The following NRG3 variants were observed in gnomAD, a reference collection of about 807,000 sequenced individuals.
NRG3 encodes the protein neuregulin 3, also known as pro-neuregulin-3, membrane-bound isoform.
In NRG3, 31 loss-of-function variants were observed where a neutral mutation model predicts 66.9. The observed-to-expected ratio is 0.46, with a 90% confidence interval of 0.35 to 0.63. NRG3 has a LOEUF of 0.63. Ranked by LOEUF, NRG3 falls within the 20% of genes least tolerant of loss-of-function variation. The probability of loss-of-function intolerance (pLI) is 0.00; values close to 1 mark genes in which losing one functional copy is unlikely to be tolerated. For missense variants in NRG3, 910 were observed against 878.9 expected, an observed-to-expected ratio of 1.04 and a Z score of -0.45; for synonymous variants, 393 against 359.4, an observed-to-expected ratio of 1.09 and a Z score of -1.06.
chr10:82,502,474 C>A (rs958692539), intron 2 of NRG3, among the ~76,000 whole-genome samples: 1 of 152,160 alleles, frequency 6.6e-6, no homozygotes, highest in Non-Finnish European at 1.5e-5. Flanking sequence ...CAGTGCTAAG[C>A]ACCTAAATAA....
At chr10:82,966,816 T>A (rs991423211) in intron 6 of NRG3, among the ~76,000 whole-genome samples, 2 of 152,218 alleles carry the variant, frequency 1.3e-5, no homozygotes, top group African/African-American at 4.8e-5. Context: ...AAGTAGTAAA[T>A]ACTATGTTAC....
chr10:82,871,143 T>C (rs2135987283), intron 4 of NRG3, among the ~76,000 whole-genome samples: 1 of 152,292 alleles, frequency 6.6e-6, no homozygotes, highest in Admixed American at 6.5e-5. Context: ...TGAATGTGGA[T>C]GTCAAGTTGT....
intron 2 of NRG3, among the ~76,000 whole-genome samples, chr10:82,722,860 T>C (rs2057388984): frequency 6.6e-6 from 1 of 152,172 alleles, no homozygotes; most frequent in Non-Finnish European, 1.5e-5. Context: ...ACACACCTAA[T>C]TGAGGATAAT....
rs934413273 is a variant in NRG3, at chr10:82,234,161, G to A, written c.824-124578G>A. Among the ~76,000 whole-genome samples the A allele has an allele frequency of 3.9e-5, 6 of 152,222 alleles. No homozygotes were observed. The East Asian group carries it at 7.7e-4, about 20-fold the overall frequency. On this transcript the variant is annotated intron_variant, in intron 1 of 8. Transcript: ENST00000372141. The stretch of plus-strand genomic sequence containing the variant: ...TCCAAATGCCTTCCTAGCATAACCT[G>A]TTCACTTCTCTGGTTTTTCCAACAT...
chr10:82,962,437 C>A (rs1188295110), intron 6 of NRG3, among the ~76,000 whole-genome samples: 5 of 152,004 alleles, frequency 3.3e-5, no homozygotes, highest in Admixed American at 6.5e-5. Flanking sequence ...ACCCTTCATA[C>A]CTTTTTTTTC....
intron 2 of NRG3, among the ~76,000 whole-genome samples, chr10:82,462,046 G>A (rs926159720): frequency 7.2e-5 from 11 of 152,082 alleles, no homozygotes; most frequent in Admixed American, 2.6e-4. Flanking sequence ...CAGGACAATC[G>A]TTTGAACCCG....
chr10:81,941,981 A>G (rs1848443271), intron 1 of NRG3, among the ~76,000 whole-genome samples: 1 of 152,148 alleles, frequency 6.6e-6, no homozygotes, highest in Non-Finnish European at 1.5e-5. Context: ...AGAAGACTAC[A>G]TTTTAGAAGT....
intron 1 of NRG3, among the ~76,000 whole-genome samples, chr10:82,242,576 C>G (rs1374277208): frequency 2.0e-5 from 3 of 152,104 alleles, no homozygotes; most frequent in Non-Finnish European, 1.5e-5. Context: ...CTAAGGAGTG[C>G]AGAAGCTGAA....
At chr10:82,546,429 A>G (rs1291957222) in intron 2 of NRG3, among the ~76,000 whole-genome samples, 1 of 152,188 alleles carries the variant, frequency 6.6e-6, no homozygotes, top group African/African-American at 2.4e-5. Context: ...TGGCATCGTC[A>G]TTAACAAGCT....
rs77769584 is a variant in NRG3 at position 82,271,486 on chromosome 10, A to G, written c.824-87253A>G. ...GTTCTTATGAATGTTGTATGGAATAACAATCAAGAAAATCCCCTTAAAGGT... is the reference window on the plus strand; with the variant it reads ...GTTCTTATGAATGTTGTATGGAATAGCAATCAAGAAAATCCCCTTAAAGGT... On this transcript the variant is annotated intron_variant, in intron 1 of 8. Transcript: ENST00000372141. Among the ~76,000 whole-genome samples the G allele has an allele frequency of 5.4e-3, 818 of 152,236 alleles. 9 individuals carry two copies. The highest frequency in any genetic ancestry group is 0.019 in the African/African-American group (786 of 41,550).
intron 2 of NRG3, among the ~76,000 whole-genome samples, chr10:82,548,045 T>TTG (rs1036543431): frequency 3.3e-5 from 5 of 150,622 alleles, no homozygotes; most frequent in African/African-American, 1.2e-4. Flanking sequence ...CCACGTTTTT[T>TTG]TTTTTTTTTT....
chr10:82,772,903 C>T (rs1451477139), intron 3 of NRG3, among the ~76,000 whole-genome samples: 1 of 151,800 alleles, frequency 6.6e-6, no homozygotes, highest in African/African-American at 2.4e-5. Flanking sequence ...CAAGATCTCC[C>T]TATGTTGCTC....
intron 1 of NRG3, among the ~76,000 whole-genome samples, chr10:82,170,725 A>C (rs2133093047): frequency 7.1e-6 from 1 of 141,452 alleles, no homozygotes; most frequent in East Asian, 2.1e-4. Context: ...TATAATAAGC[A>C]TCATTAAATG....
intron 1 of NRG3, among the ~76,000 whole-genome samples, chr10:82,075,150 G>C (rs1036030046): frequency 2.6e-5 from 4 of 152,068 alleles, no homozygotes; most frequent in African/African-American, 4.8e-5. Flanking sequence ...TTAGAAACTT[G>C]TTTTTCTTCA....
At chr10:82,933,236 TTTTA>T (rs150686836) in intron 4 of NRG3, among the ~76,000 whole-genome samples, 9 of 151,790 alleles carry the variant, frequency 5.9e-5, no homozygotes, top group East Asian at 2.0e-4. Flanking sequence ...GGACTGTGGC[TTTTA>T]TTTATTTATT....
intron 2 of NRG3, among the ~76,000 whole-genome samples, chr10:82,372,046 G>T (rs2084927818): frequency 6.6e-6 from 1 of 152,152 alleles, no homozygotes; most frequent in Non-Finnish European, 1.5e-5. Flanking sequence ...TATGTACATA[G>T]AAGATTCCAA....
chr10:82,941,995 TTGTGTG>T (rs3075660), intron 4 of NRG3, among the ~76,000 whole-genome samples: 73 of 148,442 alleles, frequency 4.9e-4, no homozygotes, highest in South Asian at 1.7e-3. Context: ...ACATATAGGT[TTGTGTG>T]TGTGTGTGTG....
intron 2 of NRG3, among the ~76,000 whole-genome samples, chr10:82,671,051 G>T (rs1411567005): frequency 6.6e-6 from 1 of 152,178 alleles, no homozygotes; most frequent in Non-Finnish European, 1.5e-5. Context: ...GTGGAAGGCA[G>T]CTGTGACAAT....
chr10:82,095,829 G>A (rs1428633863), intron 1 of NRG3, among the ~76,000 whole-genome samples: 1 of 152,206 alleles, frequency 6.6e-6, no homozygotes, highest in Non-Finnish European at 1.5e-5. Context: ...TTCTCAAAAA[G>A]GGAGCAGAGC....
Sources: gnomAD v4.1 joint callset for allele counts (sites outside exome capture counted in the v4.1 genomes callset) on GRCh38, gnomAD v4.1.1 for gene constraint, MANE v1.5 for transcripts, NCBI Gene and HGNC (gene_info 2026-07-23, HGNC 2026-07-21) for gene names.